Variants in RYR2 observed in about 807,000 individuals in gnomAD.
RYR2 encodes ryanodine receptor 2.
Under a neutral mutation model 601.1 loss-of-function variants are expected in RYR2, and 227 were observed. That is an observed-to-expected ratio of 0.38 (90% CI 0.34 to 0.42). The LOEUF (loss-of-function observed/expected upper bound fraction) is 0.42. RYR2 is among the 10% of genes least tolerant of loss of function. The pLI is 1.00. For synonymous variants in RYR2, 2,223 were observed against 2,175.1 expected, an observed-to-expected ratio of 1.02 and a Z score of -0.61; for missense variants, 4,646 against 6,156.5, an observed-to-expected ratio of 0.75 and a Z score of 8.21.
chr1:237,107,293 G>A (rs954720728), intron 1 of RYR2, among the ~76,000 whole-genome samples: 2 of 151,446 alleles, frequency 1.3e-5, no homozygotes, highest in African/African-American at 2.4e-5. Flanking sequence ...AGGCTGAGGC[G>A]GGCGGATCAC....
intron 11 of RYR2, 49 bp downstream of exon 11, chr1:237,417,172 G>C: frequency 7.1e-7 from 1 of 1,410,858 alleles, no homozygotes. Context: ...GTACCAAATA[G>C]CTCAGCGTTG....
chr1:237,609,531 G>A (rs1559107596), intron 35 of RYR2, among the ~76,000 whole-genome samples: 1 of 150,286 alleles, frequency 6.7e-6, no homozygotes, highest in African/African-American at 2.4e-5. Context: ...CACCATTTTT[G>A]TTTTTTTTTA....
At chr1:237,247,795 C>T (rs2149260274) in intron 1 of RYR2, among the ~76,000 whole-genome samples, 1 of 152,262 alleles carries the variant, frequency 6.6e-6, no homozygotes, top group Non-Finnish European at 1.5e-5. Context: ...AGATCTGCTG[C>T]TGGCTCTGCT....
At chr1:237,454,735 A>G (rs1558847308) in intron 15 of RYR2, among the ~76,000 whole-genome samples, 161 bp downstream of exon 15, 1 of 152,200 alleles carries the variant, frequency 6.6e-6, no homozygotes, top group Non-Finnish European at 1.5e-5. Flanking sequence ...AGAAATCTCG[A>G]CATGATTTTT....
intron 12 of RYR2, among the ~76,000 whole-genome samples, chr1:237,423,775 C>T (rs185055467): frequency 1.2e-3 from 186 of 152,300 alleles, no homozygotes; most frequent in African/African-American, 3.8e-3. Context: ...TGCGGACCTT[C>T]ATCCTTAACC....
At chr1:237,421,824 A>G (rs1705619555) in intron 11 of RYR2, among the ~76,000 whole-genome samples, 1 of 152,122 alleles carries the variant, frequency 6.6e-6, no homozygotes, top group South Asian at 2.1e-4. Context: ...TTGTTGACAT[A>G]TGAAGCTTTA....
At chr1:237,773,047 C>T (rs1694392785) in intron 86 of RYR2, among the ~76,000 whole-genome samples, 1 of 152,082 alleles carries the variant, frequency 6.6e-6, no homozygotes, top group Non-Finnish European at 1.5e-5. Context: ...AACCAGTTTC[C>T]TCAGGGACAG....
intron 34 of RYR2, among the ~76,000 whole-genome samples, chr1:237,601,403 T>A (rs1274607034): frequency 6.6e-6 from 1 of 152,022 alleles, no homozygotes; most frequent in East Asian, 1.9e-4. Flanking sequence ...AAGTAGTGAA[T>A]AGAATAGTGG....
intron 3 of RYR2, among the ~76,000 whole-genome samples, chr1:237,334,115 A>G (rs1208146706): frequency 2.0e-5 from 3 of 152,184 alleles, no homozygotes; most frequent in Admixed American, 6.5e-5. Context: ...TCCATTTAGA[A>G]CCATGCCTTT....
chr1:237,811,080 T>C (rs1269400298), intron 100 of RYR2, among the ~76,000 whole-genome samples: 1 of 152,188 alleles, frequency 6.6e-6, no homozygotes, highest in African/African-American at 2.4e-5. Flanking sequence ...CTATTTCTTT[T>C]TACCATAGGT....
Position 237,698,864 on chromosome 1 carries a change from G to A in RYR2, c.9068-101G>A, listed in dbSNP as rs1521745. On this transcript the variant is annotated intron_variant, in intron 63 of 104. Transcript: ENST00000366574. Reference sequence around the variant, plus strand: ...TTAAAAAACCTTTTAAAATATTACTGTTGTGTCATTGACTAATTTTTCTAG... The same window carrying A: ...TTAAAAAACCTTTTAAAATATTACTATTGTGTCATTGACTAATTTTTCTAG... 1.6e-4 allele frequency: 98 copies of A among 624,508 alleles called. No homozygotes were observed. In the African/African-American group the frequency reaches 1.8e-3, roughly 11 times the overall value. The allele number at this position is 624,508 out of a possible 1,614,324, so 38.7% of individuals were successfully genotyped here. A position where few individuals can be genotyped will look rare whatever the true frequency, so the allele number is the denominator to read the frequency against.
chr1:237,248,712 G>T (rs939162886), intron 1 of RYR2, among the ~76,000 whole-genome samples: 2 of 151,654 alleles, frequency 1.3e-5, no homozygotes, highest in Non-Finnish European at 2.9e-5. Context: ...ATCTAGTTTG[G>T]ATTTTTGAAA....
chr1:237,648,753 G>C, intron 49 of RYR2, 140 bp downstream of exon 49: 1 of 1,025,658 alleles, frequency 9.7e-7, no homozygotes. Flanking sequence ...GTAAGCCATG[G>C]GTAAACAGAA....
chr1:237,099,005 C>T (rs1667786054), intron 1 of RYR2, among the ~76,000 whole-genome samples: 1 of 152,172 alleles, frequency 6.6e-6, no homozygotes, highest in Non-Finnish European at 1.5e-5. Context: ...GCTCAGACAA[C>T]CACTGCGCTT....
At chr1:237,702,306 G>A (rs1688033462) in intron 66 of RYR2, among the ~76,000 whole-genome samples, 1 of 152,172 alleles carries the variant, frequency 6.6e-6, no homozygotes, top group African/African-American at 2.4e-5. Context: ...TGAAGTTTCA[G>A]CTGAGTGTTT....
At chr1:237,798,664 A>ATAGCATTACTTAATATACCG (rs1558440568) in intron 97 of RYR2, among the ~76,000 whole-genome samples, 3 of 151,602 alleles carry the variant, frequency 2.0e-5, no homozygotes, top group Non-Finnish European at 4.4e-5. Flanking sequence ...ATAATATACC[A>ATAGCATTACTTAATATACCG]TCATACCATT....
At chr1:237,809,885 A>T (rs1467572155) in intron 100 of RYR2, among the ~76,000 whole-genome samples, 1 of 152,194 alleles carries the variant, frequency 6.6e-6, no homozygotes, top group East Asian at 1.9e-4. Flanking sequence ...ACGGAAATTA[A>T]AAGATGATAA....
intron 24 of RYR2, among the ~76,000 whole-genome samples, chr1:237,515,124 G>A (rs1666287628): frequency 1.3e-5 from 2 of 152,016 alleles, no homozygotes; most frequent in Admixed American, 6.6e-5. Flanking sequence ...TCTGTGTATC[G>A]TACGGTACTG....
At chr1:237,792,655 A>C (rs1463078104) in intron 94 of RYR2, among the ~76,000 whole-genome samples, 2 of 152,090 alleles carry the variant, frequency 1.3e-5, no homozygotes, top group Non-Finnish European at 2.9e-5. Flanking sequence ...TTTTATGTCT[A>C]CATTGACTAG....
Sources: gnomAD v4.1 joint callset for allele counts (sites outside exome capture counted in the v4.1 genomes callset) on GRCh38, gnomAD v4.1.1 for gene constraint, MANE v1.5 for transcripts, NCBI Gene and HGNC (gene_info 2026-07-23, HGNC 2026-07-21) for gene names.